Variants in FYB1 observed in about 807,000 individuals in gnomAD.
The protein encoded by FYB1 is FYN binding protein 1, also known as FYN-binding protein 1.
A neutral mutation model predicts 94.1 loss-of-function variants in FYB1; 41 were observed. That is an observed-to-expected ratio of 0.44 (90% confidence interval 0.34 to 0.57). The LOEUF is 0.57. FYB1 is among the 20% of genes least tolerant of loss of function. The pLI, the probability that FYB1 is intolerant of heterozygous loss-of-function variation, is 0.02. For missense variants in FYB1, 1,050 were observed against 976.8 expected, an observed-to-expected ratio of 1.07 and a Z score of -1.00; for synonymous variants, 367 against 353.2, an observed-to-expected ratio of 1.04 and a Z score of -0.44.
In FYB1 at chr5:39,202,664, G is replaced by A. The variant is rs1246311117; in HGVS notation, c.297C>T (p.Thr99=). ...CCACTTTCGCCTCGGGGTCTCTGGTGGTCAAGCTGGCTGGTGTTCCGAATC... is the reference window on the plus strand; with the variant it reads ...CCACTTTCGCCTCGGGGTCTCTGGTAGTCAAGCTGGCTGGTGTTCCGAATC... ...GQRFGTPASL[T]TRDPEAKVGF... is the part of the protein sequence containing the mutation. Residue 99 remains threonine (T), a synonymous_variant, in exon 2 of 19, where the codon ACC becomes ACT. Transcript: ENST00000512982. 6.2e-7 allele frequency: 1 copy of A among 1,613,882 alleles called. No homozygotes were observed. Among genetic ancestry groups the A allele is most frequent in the Non-Finnish European group, 8.5e-7 (1 of 1,179,864 alleles).
intron 18 of FYB1, among the ~76,000 whole-genome samples, chr5:39,107,853 A>C (rs543077962): frequency 6.6e-6 from 1 of 152,192 alleles, no homozygotes; most frequent in East Asian, 1.9e-4. Flanking sequence ...TTTAGATTAC[A>C]GTTTGGAACT....
chr5:39,157,993 G>T (rs76634892), intron 2 of FYB1, among the ~76,000 whole-genome samples: 5,571 of 152,156 alleles, frequency 0.037, 328 homozygotes, highest in African/African-American at 0.13. Flanking sequence ...GACATAATAG[G>T]CATCTTGCTA....
chr5:39,150,942 GT>G, intron 3 of FYB1, among the ~76,000 whole-genome samples: 1 of 152,226 alleles, frequency 6.6e-6, no homozygotes, highest in Middle Eastern at 3.4e-3. Context: ...TCTTTGAGTG[GT>G]TCCCATTTCA....
Position 39,153,536 on chromosome 5 carries a change from T to C in FYB1, c.1204A>G (p.Ser402Gly). Reference sequence around the variant, plus strand: ...TGAGATGCTGGCAATGGTGGTTGGCTGGCCGGATGGGATGGTGGAGGTGGT... The same window carrying C: ...TGAGATGCTGGCAATGGTGGTTGGCCGGCCGGATGGGATGGTGGAGGTGGT... ...LPPPPPSHPA[S>G]QPPLPASHPS... Residue 402 changes from serine (S) to glycine (G), a missense_variant, in exon 3 of 19, where the codon AGC becomes GGC. Coordinates refer to ENST00000512982, the MANE Select transcript of FYB1 (RefSeq NM_001465.6). The C allele has an allele frequency of 1.2e-6, 2 of 1,613,902 alleles. No individual in the cohort carries two copies. The highest frequency in any genetic ancestry group is 1.7e-6 in the Non-Finnish European group (2 of 1,179,872).
intron 1 of FYB1, among the ~76,000 whole-genome samples, chr5:39,255,139 T>C (rs973647815): frequency 6.6e-6 from 1 of 152,282 alleles, no homozygotes; most frequent in African/African-American, 2.4e-5. Context: ...ATGGAGCTAT[T>C]TACATTTGGG....
chr5:39,213,578 T>A (rs934443870), intron 1 of FYB1, among the ~76,000 whole-genome samples: 13 of 152,184 alleles, frequency 8.5e-5, no homozygotes, highest in Admixed American at 5.2e-4. Context: ...CTGATTGACT[T>A]TGCAACATCG....
At chr5:39,272,958 T>C (rs1752704216) in intron 1 of FYB1, among the ~76,000 whole-genome samples, 2 of 152,234 alleles carry the variant, frequency 1.3e-5, no homozygotes, top group South Asian at 4.1e-4. Context: ...TTAAGAAAAG[T>C]ATTTTTGGCT....
At chr5:39,192,614 C>A (rs758847275) in intron 2 of FYB1, among the ~76,000 whole-genome samples, 7 of 152,098 alleles carry the variant, frequency 4.6e-5, no homozygotes, top group Non-Finnish European at 1.0e-4. Context: ...GGCATATTGC[C>A]CTAAGCTATG....
chr5:39,178,705 C>G (rs1745949742), intron 2 of FYB1, among the ~76,000 whole-genome samples: 1 of 152,078 alleles, frequency 6.6e-6, no homozygotes, highest in Non-Finnish European at 1.5e-5. Flanking sequence ...TGCATAAGTC[C>G]TCCCATTATG....
chr5:39,110,486 G>T, intron 16 of FYB1, 97 bp from the exon 17 acceptor site: 2 of 730,862 alleles, frequency 2.7e-6, no homozygotes, highest in Non-Finnish European at 4.6e-6. Flanking sequence ...AGTAATCATA[G>T]TATATTGAAT....
At chr5:39,243,448 T>C (rs1751313251) in intron 1 of FYB1, among the ~76,000 whole-genome samples, 1 of 151,838 alleles carries the variant, frequency 6.6e-6, no homozygotes, top group Non-Finnish European at 1.5e-5. Flanking sequence ...ATCAGGTAGT[T>C]GTAGATGTGT....
At position 39,189,235 on chromosome 5, in the gene FYB1, C is replaced by CCT. The variant is rs374849213; in HGVS notation, c.1135+12590_1135+12591insAG. Among the ~76,000 whole-genome samples the CCT allele has an allele frequency of 9.8e-3, 1,338 of 136,960 alleles. 33 individuals carry two copies. In the East Asian group the frequency reaches 0.11, roughly 11 times the overall value. 89.9% of individuals were successfully genotyped at this position (136,960 alleles called of 152,430 possible). On this transcript the variant is annotated intron_variant, in intron 2 of 18. Transcript: ENST00000512982. ...CAGAAGAACGCCTTTTATGGAATTC[C>CCT]TTTTTTTTTTTTTTTTTAGGATCTC... is the stretch of plus-strand genomic sequence containing the variant.
At chr5:39,190,298 A>C (rs577458894) in intron 2 of FYB1, among the ~76,000 whole-genome samples, 156 of 152,348 alleles carry the variant, frequency 1.0e-3, no homozygotes, top group Admixed American at 2.6e-4. Flanking sequence ...GAAAGAACAC[A>C]GTTTAGAAGA....
intron 2 of FYB1, among the ~76,000 whole-genome samples, chr5:39,190,025 C>T (rs192812152): frequency 5.1e-4 from 78 of 152,322 alleles, no homozygotes; most frequent in African/African-American, 1.8e-3. Context: ...TTGAATAACA[C>T]ACAGGATGAT....
At chr5:39,199,307 T>C (rs1369086914) in intron 2 of FYB1, among the ~76,000 whole-genome samples, 1 of 152,172 alleles carries the variant, frequency 6.6e-6, no homozygotes, top group Non-Finnish European at 1.5e-5. Context: ...AATGGTAAAT[T>C]ACTTAGTATT....
chr5:39,132,831 G>T (rs748430957), intron 9 of FYB1, among the ~76,000 whole-genome samples: 2 of 152,144 alleles, frequency 1.3e-5, no homozygotes, highest in Non-Finnish European at 2.9e-5. Context: ...TATATACATT[G>T]GTAATATGCT....
At chr5:39,209,068 G>A (rs1749120525) in intron 1 of FYB1, 1 of 151,588 alleles carries the variant, frequency 6.6e-6, no homozygotes, top group African/African-American at 2.4e-5. Flanking sequence ...CACACACAGT[G>A]TTTTCTCTTT....
chr5:39,179,548 CTTTTTT>C (rs11405241), intron 2 of FYB1, among the ~76,000 whole-genome samples: 25 of 139,664 alleles, frequency 1.8e-4, no homozygotes, highest in Admixed American at 6.6e-4. Context: ...CTTCTTTTTT[CTTTTTT>C]TTTTTTTTTG....
intron 2 of FYB1, among the ~76,000 whole-genome samples, chr5:39,155,117 G>A (rs1017658623): frequency 2.6e-5 from 4 of 152,002 alleles, no homozygotes; most frequent in African/African-American, 9.7e-5. Flanking sequence ...AAAAAAATAC[G>A]GCACTTCACT....
Sources: allele counts gnomAD v4.1 joint callset (sites outside exome capture counted in the v4.1 genomes callset), GRCh38; gene constraint gnomAD v4.1.1; transcripts MANE v1.5; gene names NCBI Gene and HGNC (gene_info 2026-07-23, HGNC 2026-07-21).